DENND1B: variants seen among roughly 807,000 people sequenced by gnomAD.
The protein encoded by DENND1B is DENN domain containing 1B, also known as DENN domain-containing protein 1B.
DENND1B carries 59 observed loss-of-function variants against 90.1 expected under a neutral mutation model. The observed-to-expected ratio is 0.65, with a 90% CI of 0.53 to 0.81. The LOEUF is 0.81. Among genes scored for constraint, DENND1B ranks in the 40% least tolerant of loss-of-function variants. The pLI, the probability that DENND1B is intolerant of heterozygous loss-of-function variation, is 0.00. For missense variants in DENND1B, 862 were observed against 912.6 expected (o/e 0.94, Z 0.71); for synonymous variants, 337 against 324.6 (o/e 1.04, Z -0.41).
intron 13 of DENND1B, among the ~76,000 whole-genome samples, chr1:197,599,131 A>G (rs1675970976): frequency 6.6e-6 from 1 of 151,830 alleles, no homozygotes; most frequent in Admixed American, 6.6e-5. Flanking sequence ...TTACATAAGT[A>G]AACACAGCAA....
chr1:197,734,662 CAA>C, intron 2 of DENND1B: 1 of 984,470 alleles, frequency 1.0e-6, no homozygotes, highest in Non-Finnish European at 1.2e-6. Flanking sequence ...CAAAACCCTA[CAA>C]ACAGACAGCA....
chr1:197,588,593 A>G (rs187771178), intron 14 of DENND1B, among the ~76,000 whole-genome samples: 1 of 152,318 alleles, frequency 6.6e-6, no homozygotes, highest in Non-Finnish European at 1.5e-5. Flanking sequence ...AAACAAACTA[A>G]GCAAAAATGT....
intron 3 of DENND1B, chr1:197,690,017 T>C (rs1572342015): frequency 1.3e-5 from 2 of 156,890 alleles, no homozygotes; most frequent in East Asian, 3.8e-4. Context: ...CTACCTGATG[T>C]CTACAAATTG....
chr1:197,615,211 A>G (rs1448005138), intron 11 of DENND1B, among the ~76,000 whole-genome samples: 2 of 151,150 alleles, frequency 1.3e-5, no homozygotes, highest in African/African-American at 4.8e-5. Context: ...ACTAAATCTT[A>G]TTCATTACAT....
At chr1:197,643,535 C>T (rs1177204426) in intron 9 of DENND1B, among the ~76,000 whole-genome samples, 3 of 152,084 alleles carry the variant, frequency 2.0e-5, no homozygotes, top group Non-Finnish European at 4.4e-5. Context: ...CCAGACAATA[C>T]ATTTGAGTCT....
intron 2 of DENND1B, among the ~76,000 whole-genome samples, chr1:197,748,324 C>A (rs1254280188): frequency 6.6e-6 from 1 of 151,978 alleles, no homozygotes; most frequent in African/African-American, 2.4e-5. Context: ...CAAAATGAAA[C>A]AGATATTAGA....
intron 18 of DENND1B, among the ~76,000 whole-genome samples, chr1:197,544,828 AGAGGAAGAG>A (rs1156926662): frequency 5.4e-5 from 8 of 149,302 alleles, no homozygotes; most frequent in Non-Finnish European, 7.4e-5. Flanking sequence ...AGGAGGAAGA[AGAGGAAGAG>A]GAGGAAGAAG....
rs548615237 is a variant in DENND1B at position 197,581,371 on chromosome 1, T to C, written c.1149+1781A>G. Among the ~76,000 whole-genome samples, 16 of 152,336 alleles carry C rather than the reference T, an allele frequency of 1.1e-4. No homozygotes were observed. In the South Asian group the frequency reaches 3.1e-3, roughly 30 times the overall value. On this transcript the variant is annotated intron_variant, in intron 15 of 22. Coordinates refer to ENST00000620048, the MANE Select transcript of DENND1B (RefSeq NM_001195215.2). ...TTAGTTCTTTGGTTGACCATTTTCA[T>C]ATTTTACATTTAACGTCCTTGAACA...
intron 2 of DENND1B, among the ~76,000 whole-genome samples, chr1:197,721,307 G>A (rs1021853933): frequency 2.6e-5 from 4 of 151,884 alleles, no homozygotes; most frequent in Non-Finnish European, 5.9e-5. Flanking sequence ...CTGACCTCGT[G>A]ATCCGCCTGC....
At chr1:197,626,030 A>G (rs891943546) in intron 10 of DENND1B, among the ~76,000 whole-genome samples, 10 of 151,878 alleles carry the variant, frequency 6.6e-5, no homozygotes, top group Admixed American at 2.6e-4. Context: ...AACAAGTCCT[A>G]AGTGACCTAC....
intron 2 of DENND1B, among the ~76,000 whole-genome samples, chr1:197,716,090 A>G (rs1229406994): frequency 6.6e-6 from 1 of 151,892 alleles, no homozygotes; most frequent in African/African-American, 2.4e-5. Context: ...TTACAGCTTG[A>G]TTCCATTATT....
intron 12 of DENND1B, among the ~76,000 whole-genome samples, chr1:197,610,771 A>G (rs959505337): frequency 1.3e-5 from 2 of 150,908 alleles, no homozygotes; most frequent in African/African-American, 4.8e-5. Context: ...GCATGTAAGA[A>G]TAAGTTTTCT....
intron 2 of DENND1B, among the ~76,000 whole-genome samples, chr1:197,721,891 C>T (rs1368722974): frequency 6.6e-6 from 1 of 152,090 alleles, no homozygotes; most frequent in Non-Finnish European, 1.5e-5. Flanking sequence ...TGTTTTGTGA[C>T]ACTGGAACCA....
In DENND1B at chr1:197,525,368, T is replaced by C. The variant is rs151169594; in HGVS notation, c.1516-12415A>G. On this transcript the variant is annotated intron_variant, in intron 20 of 22. Coordinates refer to ENST00000620048, the MANE Select transcript of DENND1B (RefSeq NM_001195215.2). ...ATACAAGTTTTATAAGACTATTAAATAGTATTCTCAAAACAAAATAAATAA... is the reference window on the plus strand; with the variant it reads ...ATACAAGTTTTATAAGACTATTAAACAGTATTCTCAAAACAAAATAAATAA... Among the ~76,000 whole-genome samples the C allele has an allele frequency of 2.0e-3, 312 of 152,256 alleles. 1 individual carries two copies. The highest frequency in any genetic ancestry group is 7.3e-3 in the African/African-American group (304 of 41,586).
intron 15 of DENND1B, among the ~76,000 whole-genome samples, chr1:197,565,224 T>C (rs1421397): frequency 0.79 from 120,659 of 151,912 alleles, 48,064 homozygotes; most frequent in East Asian, 0.87. Flanking sequence ...TTAAAAGCTT[T>C]TAAATATCTT....
At chr1:197,536,530 A>G (rs1035649047) in intron 20 of DENND1B, among the ~76,000 whole-genome samples, 12 of 152,198 alleles carry the variant, frequency 7.9e-5, no homozygotes, top group Non-Finnish European at 1.5e-4. Flanking sequence ...AATGCAAGAT[A>G]GCATGGACTC....
At chr1:197,706,945 A>G (rs1020719029) in intron 3 of DENND1B, among the ~76,000 whole-genome samples, 22 of 152,212 alleles carry the variant, frequency 1.4e-4, no homozygotes, top group African/African-American at 5.1e-4. Context: ...CAAACGAAAG[A>G]AAATCAGTAT....
chr1:197,693,429 C>G (rs1436049711), intron 3 of DENND1B, among the ~76,000 whole-genome samples: 1 of 151,458 alleles, frequency 6.6e-6, no homozygotes, highest in Admixed American at 6.6e-5. Flanking sequence ...TTTAAAGGTG[C>G]CCAAATATTA....
intron 10 of DENND1B, among the ~76,000 whole-genome samples, chr1:197,630,084 T>C (rs1476889675): frequency 6.6e-6 from 1 of 152,106 alleles, no homozygotes; most frequent in African/African-American, 2.4e-5. Context: ...GAAACTCTCA[T>C]TCATTTATGG....
Sources: gnomAD v4.1 joint callset for allele counts (sites outside exome capture counted in the v4.1 genomes callset) on GRCh38, gnomAD v4.1.1 for gene constraint, MANE v1.5 for transcripts, NCBI Gene and HGNC (gene_info 2026-07-23, HGNC 2026-07-21) for gene names.